The following STPG2 variants were observed in gnomAD, a reference collection of about 807,000 sequenced individuals.
STPG2 encodes the protein sperm tail PG-rich repeat containing 2.
Under a neutral mutation model 54.2 loss-of-function variants are expected in STPG2, and 56 were observed. The observed-to-expected ratio is 1.03, with a 90% CI of 0.83 to 1.29. The LOEUF (loss-of-function observed/expected upper bound fraction) is 1.29. STPG2 is among the 50% of genes most tolerant of loss of function. The probability of loss-of-function intolerance (pLI) is 0.00; values close to 1 mark genes in which losing one functional copy is unlikely to be tolerated. For synonymous variants in STPG2, 200 were observed against 181.8 expected (o/e 1.10, Z -0.81); for missense variants, 596 against 544.9 (o/e 1.09, Z -0.93).
chr4:97,514,292 G>T (rs1218098044), intron 4 of STPG2, among the ~76,000 whole-genome samples: 1 of 152,080 alleles, frequency 6.6e-6, no homozygotes, highest in Non-Finnish European at 1.5e-5. Context: ...AGAAATAAGA[G>T]AAAGGAGATG....
intron 10 of STPG2, among the ~76,000 whole-genome samples, chr4:97,665,068 C>T (rs1354376690): frequency 6.6e-6 from 1 of 152,110 alleles, no homozygotes; most frequent in Non-Finnish European, 1.5e-5. Context: ...TCAGAGAATG[C>T]AGTGGTGCCC....
chr4:97,836,051 TAAC>T (rs1214523872), intron 9 of STPG2, among the ~76,000 whole-genome samples: 2 of 152,016 alleles, frequency 1.3e-5, no homozygotes, highest in African/African-American at 4.8e-5. Context: ...ACTGCTGAAG[TAAC>T]AACAAGGGAT....
At chr4:97,952,259 T>C (rs1249174320) in intron 7 of STPG2, among the ~76,000 whole-genome samples, 1 of 152,068 alleles carries the variant, frequency 6.6e-6, no homozygotes, top group African/African-American at 2.4e-5. Context: ...AGTTGTGTCT[T>C]GCAGTGGTGG....
At chr4:97,855,438 T>A (rs1349284689) in intron 8 of STPG2, among the ~76,000 whole-genome samples, 2 of 152,192 alleles carry the variant, frequency 1.3e-5, no homozygotes, top group Admixed American at 6.5e-5. Context: ...TTCAGCTTTT[T>A]TTCTTGTGTT....
intron 5 of STPG2, among the ~76,000 whole-genome samples, chr4:97,987,280 C>T (rs1734858934): frequency 6.6e-6 from 1 of 152,102 alleles, no homozygotes; most frequent in South Asian, 2.1e-4. Context: ...TGATTAAATA[C>T]TAAAATGAAG....
intron 9 of STPG2, among the ~76,000 whole-genome samples, chr4:97,798,475 C>T (rs680663): frequency 1.3e-5 from 2 of 152,076 alleles, no homozygotes; most frequent in African/African-American, 2.4e-5. Flanking sequence ...TGTTCAGATT[C>T]TATGCAGTTG....
At chr4:97,468,264 G>A (rs1013212333) in intron 4 of STPG2, among the ~76,000 whole-genome samples, 2 of 151,900 alleles carry the variant, frequency 1.3e-5, no homozygotes, top group South Asian at 4.1e-4. Flanking sequence ...ATCTTTGAAA[G>A]CAATGATTGA....
At chr4:98,121,170 T>G (rs2110155512) in intron 3 of STPG2, among the ~76,000 whole-genome samples, 1 of 152,336 alleles carries the variant, frequency 6.6e-6, no homozygotes, top group East Asian at 1.9e-4. Context: ...CTTTCCCCAT[T>G]GCTTGTTTTT....
chr4:97,822,130 T>C (rs1218522860), intron 9 of STPG2, among the ~76,000 whole-genome samples: 4 of 152,232 alleles, frequency 2.6e-5, no homozygotes. Flanking sequence ...AGTTACTTTT[T>C]TGCTCCTGCA....
intron 3 of STPG2, among the ~76,000 whole-genome samples, chr4:98,113,839 T>C (rs905718768): frequency 1.3e-5 from 2 of 151,996 alleles, no homozygotes; most frequent in African/African-American, 2.4e-5. Context: ...TACACTACTT[T>C]GGAATTCCTA....
intron 9 of STPG2, among the ~76,000 whole-genome samples, chr4:97,833,385 C>T (rs1728529920): frequency 6.6e-6 from 1 of 152,104 alleles, no homozygotes; most frequent in African/African-American, 2.4e-5. Context: ...AAACATAAGA[C>T]TTAAAACCAT....
chr4:98,093,332 A>G (rs1461829227), intron 5 of STPG2, among the ~76,000 whole-genome samples: 2 of 152,238 alleles, frequency 1.3e-5, no homozygotes, highest in African/African-American at 4.8e-5. Flanking sequence ...TTCAAAAGAT[A>G]TATTAAAACA....
intron 3 of STPG2, among the ~76,000 whole-genome samples, chr4:98,122,963 A>G (rs890578033): frequency 1.3e-5 from 2 of 151,920 alleles, no homozygotes; most frequent in African/African-American, 4.8e-5. Flanking sequence ...TTTCTTCTAG[A>G]TTTTTGTAGT....
intron 5 of STPG2, among the ~76,000 whole-genome samples, chr4:98,093,070 C>T (rs62321597): frequency 6.6e-6 from 1 of 151,654 alleles, no homozygotes; most frequent in African/African-American, 2.4e-5. Context: ...AGTTATTTGA[C>T]CTAATACAAA....
At chr4:97,815,467 T>C (rs2149100156) in intron 9 of STPG2, among the ~76,000 whole-genome samples, 1 of 152,294 alleles carries the variant, frequency 6.6e-6, no homozygotes, top group South Asian at 2.1e-4. Flanking sequence ...TTTCCGAATA[T>C]TTTTCATTTT....
At chr4:97,658,846 A>G (rs1722293606) in intron 10 of STPG2, among the ~76,000 whole-genome samples, 1 of 152,234 alleles carries the variant, frequency 6.6e-6, no homozygotes, top group South Asian at 2.1e-4. Context: ...TGAGAGTATT[A>G]AAGAAATATA....
chr4:97,724,574 G>T (rs1272230321), intron 9 of STPG2, among the ~76,000 whole-genome samples: 2 of 152,170 alleles, frequency 1.3e-5, no homozygotes, highest in African/African-American at 4.8e-5. Context: ...TATCCAGCAA[G>T]TGTGGTGAAT....
chr4:97,747,192 A>G (rs1356256480), intron 9 of STPG2, among the ~76,000 whole-genome samples: 5 of 151,366 alleles, frequency 3.3e-5, no homozygotes, highest in African/African-American at 1.2e-4. Context: ...AATAAGTATC[A>G]TGTCAACCAA....
At chr4:97,912,659 A>T (rs1731724381) in intron 8 of STPG2, among the ~76,000 whole-genome samples, 1 of 152,226 alleles carries the variant, frequency 6.6e-6, no homozygotes, top group Admixed American at 6.5e-5. Context: ...AATGAAAAGG[A>T]ATAACAAAGC....
Sources: allele counts gnomAD v4.1 joint callset (sites outside exome capture counted in the v4.1 genomes callset), GRCh38; gene constraint gnomAD v4.1.1; transcripts MANE v1.5; gene names NCBI Gene and HGNC (gene_info 2026-07-23, HGNC 2026-07-21).